The following ADAMTS17 variants were observed in gnomAD, a reference collection of about 807,000 sequenced individuals.
ADAMTS17 encodes ADAM metallopeptidase with thrombospondin type 1 motif 17.
A neutral mutation model predicts 141.5 loss-of-function variants in ADAMTS17; 113 were observed. The ratio of observed to expected loss-of-function variants is 0.80; its 90% CI spans 0.69 to 0.93. ADAMTS17 has a LOEUF of 0.93. Ranked by LOEUF, ADAMTS17 falls within the 40% of genes least tolerant of loss-of-function variation. ADAMTS17 has a pLI of 0.00. For missense variants in ADAMTS17, 1,659 were observed against 1,517.9 expected (o/e 1.09, Z -1.54); for synonymous variants, 768 against 630.6 (o/e 1.22, Z -3.27).
chr15:100,265,922 T>C lies in ADAMTS17; in HGVS notation c.790-3487A>G, dbSNP rs532907368. The stretch of plus-strand genomic sequence containing the variant: ...CCTGGGTGTGGGCAGGTCATCTGTG[T>C]TGAACAGTGCTCCTTCCCCACCCTG... On this transcript the variant is annotated intron_variant, in intron 4 of 21. Transcript: ENST00000268070. Among the ~76,000 whole-genome samples the C allele has an allele frequency of 5.3e-4, 80 of 152,286 alleles. 1 individual carries two copies. The highest frequency in any genetic ancestry group is 9.8e-4 in the Admixed American group (15 of 15,308).
chr15:100,001,976 C>CCAAAAAAAAAAAAAA (rs2060932824), intron 18 of ADAMTS17, among the ~76,000 whole-genome samples: 1 of 33,606 alleles, frequency 3.0e-5, no homozygotes, highest in Non-Finnish European at 4.9e-5. Context: ...GACTCAGTCT[C>CCAAAAAAAAAAAAAA]AAAAAAAAGG....
chr15:100,008,019 T>A (rs922105862), intron 18 of ADAMTS17, among the ~76,000 whole-genome samples: 5 of 151,984 alleles, frequency 3.3e-5, no homozygotes, highest in African/African-American at 4.8e-5. Context: ...GCACCTGTAG[T>A]GCTGGGGCCT....
intron 10 of ADAMTS17, among the ~76,000 whole-genome samples, chr15:100,148,465 T>G (rs1013863683): frequency 6.6e-6 from 1 of 152,186 alleles, no homozygotes; most frequent in Non-Finnish European, 1.5e-5. Flanking sequence ...AAAACTGCAT[T>G]TCACATGTAA....
At chr15:100,253,906 C>G (rs1487827697) in intron 7 of ADAMTS17, among the ~76,000 whole-genome samples, 1 of 152,096 alleles carries the variant, frequency 6.6e-6, no homozygotes, top group Admixed American at 6.6e-5. Context: ...CTTGGTGTCA[C>G]TCTTCATAGC....
rs1020027511 is a variant in ADAMTS17 at position 99,993,523 on chromosome 15, G to C, written c.2797-323C>G. 2.6e-5 allele frequency among the ~76,000 whole-genome samples: 4 copies of C among 152,156 alleles called. No homozygotes were observed. Among genetic ancestry groups the C allele is most frequent in the African/African-American group, 9.7e-5 (4 of 41,432 alleles). On this transcript the variant is annotated intron_variant, in intron 19 of 21. Coordinates refer to ENST00000268070, the MANE Select transcript of ADAMTS17 (RefSeq NM_139057.4). This position sits in a 1 kb window ranked among gnomAD's most constrained non-coding sequence, Gnocchi z 4.3. ...AAAGCTCAAGGCAATACGTGAGCTC[G>C]AAGGGCAGGTGTGTGATGGAGCCAT...
At chr15:100,148,930 G>A (rs1380392321) in intron 10 of ADAMTS17, among the ~76,000 whole-genome samples, 2 of 152,104 alleles carry the variant, frequency 1.3e-5, no homozygotes, top group African/African-American at 2.4e-5. Context: ...AAGCAACTGT[G>A]TCCCTGGTGG....
intron 4 of ADAMTS17, among the ~76,000 whole-genome samples, chr15:100,277,331 C>A (rs1366778516): frequency 1.3e-5 from 2 of 152,022 alleles, no homozygotes; most frequent in Non-Finnish European, 2.9e-5. Context: ...TCTTTACGGC[C>A]CATGAGGGGT....
chr15:100,024,778 T>C (rs2061473810), intron 18 of ADAMTS17, among the ~76,000 whole-genome samples: 1 of 152,230 alleles, frequency 6.6e-6, no homozygotes, highest in Non-Finnish European at 1.5e-5. Flanking sequence ...GGCAGCAGTG[T>C]CCAGGCTACA....
chr15:100,152,737 C>T lies in ADAMTS17; in HGVS notation c.1348G>A (p.Val450Ile). 6.2e-7 allele frequency: 1 copy of T among 1,614,208 alleles called. No homozygotes were observed. The highest frequency in any genetic ancestry group is 8.5e-7 in the Non-Finnish European group (1 of 1,180,046). Residue 450 changes from valine to isoleucine, a missense_variant, in exon 10 of 22, where the codon GTC becomes ATC. By Grantham distance (29) the Val-to-Ile change is conservative. Coordinates refer to ENST00000268070, the MANE Select transcript of ADAMTS17 (RefSeq NM_139057.4). ...GTGTGCTGGCTTCTGGGGTCCGTGA[C>T]TAGCAAGCAGGTGCTGACTTTTGAC... ...LKSKVSTCLL[V>I]TDPRSQHTVR...
chr15:100,026,626 C>A (rs1339470192), intron 18 of ADAMTS17, among the ~76,000 whole-genome samples: 1 of 152,250 alleles, frequency 6.6e-6, no homozygotes, highest in Non-Finnish European at 1.5e-5. Flanking sequence ...CTGAACCATT[C>A]CTTGACCTGG....
chr15:100,135,616 T>C (rs1233619322), intron 10 of ADAMTS17, among the ~76,000 whole-genome samples: 1 of 152,202 alleles, frequency 6.6e-6, no homozygotes, highest in Non-Finnish European at 1.5e-5. Context: ...AAAAGGCAAC[T>C]GTAAGAACAC....
chr15:100,189,348 C>T lies in ADAMTS17; in HGVS notation c.1181+9970G>A, dbSNP rs148164812. Reference sequence around the variant, plus strand: ...TTGCGAGCTTGTTCTGCTGAGTAAGCCGAGTGTGGACCAAGCAGCTGGCAG... The same window carrying T: ...TTGCGAGCTTGTTCTGCTGAGTAAGTCGAGTGTGGACCAAGCAGCTGGCAG... On this transcript the variant is annotated intron_variant, in intron 8 of 21. Coordinates refer to ENST00000268070, the MANE Select transcript of ADAMTS17 (RefSeq NM_139057.4). 2.1e-3 allele frequency among the ~76,000 whole-genome samples: 322 copies of T among 152,282 alleles called. 3 individuals are homozygous for T. The highest frequency in any genetic ancestry group is 7.4e-3 in the African/African-American group (308 of 41,546).
In ADAMTS17 at chr15:100,152,971, C is replaced by G. The variant is rs151080312; in HGVS notation, c.1323-209G>C. Among the ~76,000 whole-genome samples the G allele has an allele frequency of 0.036, 811 of 22,522 alleles. 10 individuals are homozygous for G. Among genetic ancestry groups the G allele is most frequent in the African/African-American group, 0.059 (772 of 13,178 alleles). 14.8% of individuals were successfully genotyped at this position (22,522 alleles called of 152,430 possible). ...ACATGGCCAAATGTGAATCTTCGCT[C>G]TGAAGGTAGTAAGAACCTGGAGACT... On this transcript the variant is annotated intron_variant, in intron 9 of 21. Coordinates refer to ENST00000268070, the MANE Select transcript of ADAMTS17 (RefSeq NM_139057.4).
chr15:100,295,742 T>C (rs997167761), intron 3 of ADAMTS17, among the ~76,000 whole-genome samples: 4 of 152,166 alleles, frequency 2.6e-5, no homozygotes, highest in Non-Finnish European at 4.4e-5. Context: ...CTGTGTTAAA[T>C]CCCTCTGTTA....
intron 7 of ADAMTS17, among the ~76,000 whole-genome samples, chr15:100,207,303 C>T (rs898041744): frequency 6.6e-6 from 1 of 152,184 alleles, no homozygotes; most frequent in Non-Finnish European, 1.5e-5. Context: ...TTCCTTATCC[C>T]AAACCAGTCC....
intron 19 of ADAMTS17, among the ~76,000 whole-genome samples, chr15:99,996,974 T>C (rs1295851725): frequency 6.6e-6 from 1 of 152,196 alleles, no homozygotes; most frequent in African/African-American, 2.4e-5. Context: ...CTAAAAGCTG[T>C]CCCTCCTGGC....
chr15:100,220,476 T>A (rs1388093317), intron 7 of ADAMTS17, among the ~76,000 whole-genome samples: 2 of 152,178 alleles, frequency 1.3e-5, no homozygotes, highest in Non-Finnish European at 2.9e-5. Context: ...CAACTGATAA[T>A]ATTTTCTCCC....
chr15:100,246,514 T>C (rs925578704), intron 7 of ADAMTS17, among the ~76,000 whole-genome samples: 2 of 152,222 alleles, frequency 1.3e-5, no homozygotes, highest in African/African-American at 4.8e-5. Context: ...AGACTGCAAG[T>C]TGTCTAATTT....
At chr15:100,048,737 A>G in intron 18 of ADAMTS17, 120 bp downstream of exon 18, 1 of 1,476,956 alleles carries the variant, frequency 6.8e-7, no homozygotes, top group East Asian at 2.3e-5. Flanking sequence ...TCTCTCATCA[A>G]CAATAACGGA....
Sources: gnomAD v4.1 joint callset for allele counts (sites outside exome capture counted in the v4.1 genomes callset) on GRCh38, gnomAD v4.1.1 for gene constraint, Gnocchi (gnomAD v3.1) non-coding constraint, MANE v1.5 for transcripts, NCBI Gene and HGNC (gene_info 2026-07-23, HGNC 2026-07-21) for gene names.